Variants in LPP observed in about 807,000 individuals in gnomAD.
LPP encodes the protein lipoma-preferred partner.
In LPP, 38 loss-of-function variants were observed where a neutral mutation model predicts 60.4. That is an observed-to-expected ratio of 0.63 (90% CI 0.49 to 0.83). The LOEUF is 0.83. Ranked by LOEUF, LPP falls within the 40% of genes least tolerant of loss-of-function variation. LPP has a pLI of 0.00. For synonymous variants in LPP, 328 were observed against 290.8 expected (o/e 1.13, Z -1.30); for missense variants, 902 against 783.6 (o/e 1.15, Z -1.80).
rs115299073 is a variant in LPP at position 188,748,502 on chromosome 3, G to C, written c.1241-11611G>C. Among the ~76,000 whole-genome samples the C allele has an allele frequency of 7.3e-3, 1,118 of 152,190 alleles. 9 individuals are homozygous for C. The highest frequency in any genetic ancestry group is 0.012 in the Non-Finnish European group (798 of 68,006). On this transcript the variant is annotated intron_variant, in intron 8 of 11. Transcript: ENST00000617246. ...TGTTTAAAAAAAATAATAAACAACA[G>C]GCCGGGCACAGCGGCTCACACCTGT...
intron 2 of LPP, among the ~76,000 whole-genome samples, chr3:188,226,762 A>G (rs1717923099): frequency 1.3e-5 from 2 of 152,148 alleles, no homozygotes; most frequent in South Asian, 2.1e-4. Flanking sequence ...AGATGATGCC[A>G]TTGTGATTGA....
intron 5 of LPP, among the ~76,000 whole-genome samples, chr3:188,490,901 C>T (rs566324537): frequency 6.6e-6 from 1 of 151,662 alleles, no homozygotes; most frequent in South Asian, 2.1e-4. Flanking sequence ...ACCACAGGCA[C>T]CCACCACCAC....
At chr3:188,459,262 C>T (rs149880072) in intron 4 of LPP, among the ~76,000 whole-genome samples, 3 of 152,194 alleles carry the variant, frequency 2.0e-5, no homozygotes, top group African/African-American at 7.2e-5. Context: ...TTCTGTTTGA[C>T]TAGATTACCT....
chr3:188,799,327 G>T (rs1022789992), intron 9 of LPP, among the ~76,000 whole-genome samples: 1 of 152,046 alleles, frequency 6.6e-6, no homozygotes, highest in Non-Finnish European at 1.5e-5. Context: ...CTTTACATTC[G>T]CGATGGGTAC....
chr3:188,155,531 C>A (rs78227610), intron 1 of LPP, among the ~76,000 whole-genome samples: 1 of 152,164 alleles, frequency 6.6e-6, no homozygotes, highest in African/African-American at 2.4e-5. Context: ...CCTCTCCCAT[C>A]CTCCCCCTTC....
At chr3:188,734,416 G>T (rs1452740178) in intron 8 of LPP, among the ~76,000 whole-genome samples, 1 of 152,150 alleles carries the variant, frequency 6.6e-6, no homozygotes, top group African/African-American at 2.4e-5. Context: ...GCTGAATTTG[G>T]TATTTTGTCA....
chr3:188,545,266 AC>A (rs1251297557), intron 6 of LPP, among the ~76,000 whole-genome samples: 3,411 of 85,034 alleles, frequency 0.04, 124 homozygotes, highest in African/African-American at 0.12. Context: ...AAAAAAAAAA[AC>A]ATTAAAAAAA....
rs543759798 is a variant in LPP at position 188,822,722 on chromosome 3, T to C, written c.1411-43478T>C. On this transcript the variant is annotated intron_variant, in intron 9 of 11. Transcript: ENST00000617246. Reference sequence around the variant, plus strand: ...GCTTGTCATTATGCCTGGGACATAGTGGGCATTCAGTAGGTGTTTGTTGAA... The same window carrying C: ...GCTTGTCATTATGCCTGGGACATAGCGGGCATTCAGTAGGTGTTTGTTGAA... Among the ~76,000 whole-genome samples the C allele has an allele frequency of 1.1e-4, 16 of 152,264 alleles. 4 individuals are homozygous for C. The South Asian group carries it at 3.3e-3, about 32-fold the overall frequency.
At chr3:188,474,929 A>G (rs984756312) in intron 4 of LPP, among the ~76,000 whole-genome samples, 1 of 152,220 alleles carries the variant, frequency 6.6e-6, no homozygotes, top group Non-Finnish European at 1.5e-5. Flanking sequence ...TTGTAAAACA[A>G]ATGATACTTG....
At chr3:188,533,936 C>T (rs543252864) in intron 6 of LPP, among the ~76,000 whole-genome samples, 1 of 152,166 alleles carries the variant, frequency 6.6e-6, no homozygotes, top group African/African-American at 2.4e-5. Flanking sequence ...TTGTGTCATG[C>T]GTAATAAGCA....
chr3:188,465,759 T>C (rs1800222876), intron 4 of LPP, among the ~76,000 whole-genome samples: 2 of 152,194 alleles, frequency 1.3e-5, no homozygotes, highest in African/African-American at 2.4e-5. Flanking sequence ...CTGGATGTCT[T>C]GTTTTTCTCT....
At chr3:188,441,895 T>A (rs1418284329) in intron 4 of LPP, among the ~76,000 whole-genome samples, 1 of 151,816 alleles carries the variant, frequency 6.6e-6, no homozygotes, top group Admixed American at 6.6e-5. Flanking sequence ...AGTGCTGGGA[T>A]TACAGGCGTG....
chr3:188,718,544 T>C (rs1342496033), intron 8 of LPP, among the ~76,000 whole-genome samples: 1 of 152,252 alleles, frequency 6.6e-6, no homozygotes, highest in African/African-American at 2.4e-5. Flanking sequence ...TCCCAGTATC[T>C]TTTATCTCAG....
chr3:188,420,271 T>C (rs1787438884), intron 4 of LPP, among the ~76,000 whole-genome samples: 1 of 152,208 alleles, frequency 6.6e-6, no homozygotes, highest in African/African-American at 2.4e-5. Flanking sequence ...ATTACACCTT[T>C]GTTAGAAGTA....
At chr3:188,179,544 C>G (rs1724287885) in intron 1 of LPP, 2 of 456,410 alleles carry the variant, frequency 4.4e-6, no homozygotes, top group Admixed American at 2.4e-5. Flanking sequence ...CTCGTGCTCT[C>G]ATATTTCCAT....
At chr3:188,625,472 A>G (rs1283976526) in intron 7 of LPP, among the ~76,000 whole-genome samples, 1 of 152,186 alleles carries the variant, frequency 6.6e-6, no homozygotes, top group Non-Finnish European at 1.5e-5. Context: ...GTCCTCAAAA[A>G]AGAACTCACT....
At chr3:188,468,266 C>A (rs1800956614) in intron 4 of LPP, among the ~76,000 whole-genome samples, 1 of 152,100 alleles carries the variant, frequency 6.6e-6, no homozygotes, top group Non-Finnish European at 1.5e-5. Context: ...TGGACTAGAT[C>A]AGGTTTGGCA....
At chr3:188,250,908 C>T (rs1166186129) in intron 2 of LPP, among the ~76,000 whole-genome samples, 1 of 105,212 alleles carries the variant, frequency 9.5e-6, no homozygotes, top group African/African-American at 3.8e-5. Flanking sequence ...TCTGTTTCCC[C>T]TCCCTTCCTT....
Position 188,876,244 on chromosome 3 carries a change from A to G in LPP, c.*1765A>G, listed in dbSNP as rs1769241489. The G allele has an allele frequency of 5.3e-6, 1 of 187,280 alleles. No homozygotes were observed. The highest frequency in any genetic ancestry group is 1.1e-5 in the Non-Finnish European group (1 of 88,548). 11.6% of individuals were successfully genotyped at this position (187,280 alleles called of 1,614,324 possible). On this transcript the variant is annotated 3_prime_UTR_variant, in exon 12 of 12. Coordinates refer to ENST00000617246, the MANE Select transcript of LPP (RefSeq NM_001375462.1). The stretch of plus-strand genomic sequence containing the variant: ...ATTCCAATTAAATTTATTTTACTTG[A>G]ATAGGAATGATCATAAAAGTGATTC...
Sources: gnomAD v4.1 joint callset for allele counts (sites outside exome capture counted in the v4.1 genomes callset) on GRCh38, gnomAD v4.1.1 for gene constraint, MANE v1.5 for transcripts, NCBI Gene and HGNC (gene_info 2026-07-23, HGNC 2026-07-21) for gene names.